Variants in MGLL observed in about 807,000 individuals in gnomAD.
The protein encoded by MGLL is monoglyceride lipase, also known as lysophospholipase homolog.
Under a neutral mutation model 29.1 loss-of-function variants are expected in MGLL, and 7 were observed. The observed-to-expected ratio is 0.24, with a 90% CI of 0.14 to 0.45. The LOEUF (loss-of-function observed/expected upper bound fraction) is 0.45. Among genes scored for constraint, MGLL ranks in the 20% least tolerant of loss-of-function variants. The pLI is 0.99. For synonymous variants in MGLL, 148 were observed against 168.3 expected, an observed-to-expected ratio of 0.88 and a Z score of 0.93; for missense variants, 356 against 413.6, an observed-to-expected ratio of 0.86 and a Z score of 1.21.
At chr3:127,749,474 C>G (rs753453806) in intron 3 of MGLL, among the ~76,000 whole-genome samples, 5 of 152,232 alleles carry the variant, frequency 3.3e-5, no homozygotes, top group Non-Finnish European at 7.3e-5. Context: ...GAAAAGTGCA[C>G]AGTGCCCTCT....
chr3:127,749,511 G>T (rs141630102), intron 3 of MGLL, among the ~76,000 whole-genome samples: 1 of 152,126 alleles, frequency 6.6e-6, no homozygotes, highest in African/African-American at 2.4e-5. Flanking sequence ...TAGCTCTCCC[G>T]CATTCCACAT....
At chr3:127,766,090 G>A (rs951714226) in intron 3 of MGLL, among the ~76,000 whole-genome samples, 91 of 152,284 alleles carry the variant, frequency 6.0e-4, no homozygotes, top group Admixed American at 2.0e-3. Flanking sequence ...CTTGTCCAAC[G>A]TCACAAATGT....
intron 2 of MGLL, among the ~76,000 whole-genome samples, chr3:127,794,969 T>C (rs995747148): frequency 2.6e-5 from 4 of 152,220 alleles, no homozygotes; most frequent in African/African-American, 9.6e-5. Context: ...AGTTTGGAGA[T>C]TTCTCAAAGA....
At chr3:127,793,623 G>A (rs139900351) in intron 2 of MGLL, among the ~76,000 whole-genome samples, 2,303 of 152,268 alleles carry the variant, frequency 0.015, 52 homozygotes, top group African/African-American at 0.053. Flanking sequence ...GTGTGATGGT[G>A]CAATCTCGGC....
intron 2 of MGLL, among the ~76,000 whole-genome samples, chr3:127,813,471 A>C (rs1012865872): frequency 3.9e-5 from 6 of 152,220 alleles, no homozygotes; most frequent in African/African-American, 9.6e-5. Flanking sequence ...CATGGGAGAC[A>C]GGGGTCTGGT....
At chr3:127,706,572 C>T (rs1054990228) in intron 6 of MGLL, among the ~76,000 whole-genome samples, 1 of 152,246 alleles carries the variant, frequency 6.6e-6, no homozygotes. Context: ...GCAATTCACA[C>T]GCTCCCTCGC....
chr3:127,720,913 A>C, intron 5 of MGLL, 140 bp downstream of exon 5: 1 of 753,542 alleles, frequency 1.3e-6, no homozygotes. Context: ...ACAGTGTTGG[A>C]TATTTGTCCA....
At chr3:127,708,067 T>C (rs1444730656) in intron 6 of MGLL, among the ~76,000 whole-genome samples, 1 of 152,206 alleles carries the variant, frequency 6.6e-6, no homozygotes, top group Admixed American at 6.5e-5. Flanking sequence ...CTCAGCTTCT[T>C]AGGCAAACAT....
At chr3:127,750,231 C>A (rs936962152) in intron 3 of MGLL, among the ~76,000 whole-genome samples, 2 of 152,016 alleles carry the variant, frequency 1.3e-5, no homozygotes, top group Non-Finnish European at 2.9e-5. Flanking sequence ...ATCAGGGCAC[C>A]GTTTCTTCTG....
At chr3:127,704,022 C>A (rs2075549895) in intron 6 of MGLL, among the ~76,000 whole-genome samples, 1 of 152,090 alleles carries the variant, frequency 6.6e-6, no homozygotes, top group Non-Finnish European at 1.5e-5. Context: ...CACTGGTACA[C>A]AAACAGACAT....
At chr3:127,795,613 C>A (rs1318904911) in intron 2 of MGLL, among the ~76,000 whole-genome samples, 1 of 151,996 alleles carries the variant, frequency 6.6e-6, no homozygotes, top group Non-Finnish European at 1.5e-5. Context: ...GACCTTTCAG[C>A]CCAGATGAAG....
At chr3:127,774,805 G>A (rs2077006267) in intron 3 of MGLL, among the ~76,000 whole-genome samples, 1 of 152,180 alleles carries the variant, frequency 6.6e-6, no homozygotes, top group Non-Finnish European at 1.5e-5. Flanking sequence ...ATCCTGGGGT[G>A]GGCCCAGCCA....
intron 3 of MGLL, among the ~76,000 whole-genome samples, chr3:127,773,082 C>T (rs867821776): frequency 3.3e-5 from 5 of 152,240 alleles, no homozygotes; most frequent in Middle Eastern, 3.2e-3. Flanking sequence ...AACAGCTGGG[C>T]TCCAGCCTGG....
chr3:127,806,218 A>C (rs1028361105), intron 2 of MGLL, among the ~76,000 whole-genome samples: 1 of 152,232 alleles, frequency 6.6e-6, no homozygotes, highest in African/African-American at 2.4e-5. Flanking sequence ...TGGCACATGC[A>C]CTAGTGGCTT....
intron 2 of MGLL, among the ~76,000 whole-genome samples, chr3:127,804,959 A>G (rs567691942): frequency 1.3e-5 from 2 of 152,322 alleles, no homozygotes; most frequent in African/African-American, 4.8e-5. Context: ...GGGGTCTTGG[A>G]GAGACGGCCA....
chr3:127,814,950 AT>A (rs2077729038), intron 2 of MGLL, among the ~76,000 whole-genome samples: 1 of 152,254 alleles, frequency 6.6e-6, no homozygotes, highest in Non-Finnish European at 1.5e-5. Flanking sequence ...AAATGCAATA[AT>A]CTGACTAAAA....
intron 6 of MGLL, among the ~76,000 whole-genome samples, chr3:127,698,181 C>T (rs2075409152): frequency 6.6e-6 from 1 of 152,188 alleles, no homozygotes; most frequent in Non-Finnish European, 1.5e-5. Context: ...AGAGCAGGCC[C>T]CTGATGTGAA....
At chr3:127,731,333 T>TTTATTATTA (rs140919604) in intron 3 of MGLL, among the ~76,000 whole-genome samples, 262 of 145,474 alleles carry the variant, frequency 1.8e-3, no homozygotes, top group African/African-American at 5.7e-3. Flanking sequence ...CTTGGTGGCT[T>TTTATTATTA]TTATTATTAT....
At position 127,798,400 on chromosome 3, in the gene MGLL, G is replaced by A. The variant is rs559447199; in HGVS notation, c.156-16505C>T. Among the ~76,000 whole-genome samples, 4 of 152,246 alleles carry A rather than the reference G, an allele frequency of 2.6e-5. No homozygotes were observed. The East Asian group carries it at 5.8e-4, about 22-fold the overall frequency. On this transcript the variant is annotated intron_variant, in intron 2 of 7. Transcript: ENST00000265052. ...CTTTGCTCTGAGTCACAGTCCTGGG[G>A]CTCCGAAGTACCCTGCTGGGACCCC...
Sources: allele counts gnomAD v4.1 joint callset (sites outside exome capture counted in the v4.1 genomes callset), GRCh38; gene constraint gnomAD v4.1.1; transcripts MANE v1.5; gene names NCBI Gene and HGNC (gene_info 2026-07-23, HGNC 2026-07-21).